The following LMCD1 variants were observed in gnomAD, a reference collection of about 807,000 sequenced individuals.
LMCD1 encodes the protein LIM and cysteine-rich domains protein 1.
A neutral mutation model predicts 42.7 loss-of-function variants in LMCD1; 32 were observed. The observed-to-expected ratio is 0.75, with a 90% CI of 0.57 to 1.01. LMCD1 has a LOEUF of 1.01. Among genes scored for constraint, LMCD1 ranks in the 50% least tolerant of loss-of-function variants. LMCD1 has a pLI of 0.00. For missense variants in LMCD1, 458 were observed against 483.1 expected, an observed-to-expected ratio of 0.95 and a Z score of 0.49; for synonymous variants, 178 against 184.9, an observed-to-expected ratio of 0.96 and a Z score of 0.30.
chr3:8,533,161 G>T (rs914675586), intron 2 of LMCD1, among the ~76,000 whole-genome samples: 3 of 152,116 alleles, frequency 2.0e-5, no homozygotes, highest in African/African-American at 7.2e-5. Context: ...ATGCCTCGGG[G>T]TTTGGTGGAT....
At chr3:8,566,507 G>A (rs1333795038) in intron 5 of LMCD1, among the ~76,000 whole-genome samples, 2 of 152,170 alleles carry the variant, frequency 1.3e-5, no homozygotes, top group African/African-American at 4.8e-5. Context: ...ATATTAAGAA[G>A]GAAAAGGACT....
intron 1 of LMCD1, among the ~76,000 whole-genome samples, chr3:8,506,471 G>A (rs1444325248): frequency 2.0e-5 from 3 of 152,164 alleles, no homozygotes; most frequent in Admixed American, 6.5e-5. Context: ...CTTTCCTTCC[G>A]CCCTTACGCA....
At chr3:8,566,777 C>A (rs761827483) in intron 5 of LMCD1, among the ~76,000 whole-genome samples, 9 of 152,166 alleles carry the variant, frequency 5.9e-5, no homozygotes, top group African/African-American at 1.9e-4. Context: ...ACATTCTAAG[C>A]CTTTCATATG....
At position 8,548,548 on chromosome 3, in the gene LMCD1, T is replaced by TTCC. The variant is rs763445369; in HGVS notation, c.388-7_388-5dup. The TTCC allele has an allele frequency of 9.7e-6, 15 of 1,553,984 alleles. No individual in the cohort carries two copies. The East Asian group carries it at 1.8e-4, about 19-fold the overall frequency. On this transcript the variant is annotated intron_variant, in intron 3 of 5. Coordinates refer to ENST00000157600, the MANE Select transcript of LMCD1 (RefSeq NM_014583.4). ...AGCCCCATCCACATCATGTTGTCTC[T>TTCC]TCCTCCTCCTCCTCCCTAGGGACTG...
intron 4 of LMCD1, 103 bp from the exon 5 acceptor site, chr3:8,565,329 C>T: frequency 2.0e-6 from 2 of 1,009,122 alleles, no homozygotes; most frequent in Non-Finnish European, 3.1e-6. Flanking sequence ...GTGACTTGCC[C>T]AAGGTCACCC....
chr3:8,501,833 C>T lies in LMCD1; in HGVS notation c.-106C>T, dbSNP rs1334462676. On this transcript the variant is annotated 5_prime_UTR_variant, in exon 1 of 6. Coordinates refer to ENST00000157600, the MANE Select transcript of LMCD1 (RefSeq NM_014583.4). ...GCTGCGCCTGGCTGCGCACAGAGCT[C>T]CCTCCCAGGCCCGCGAACTTGGCCA... The T allele has an allele frequency of 1.1e-6, 1 of 950,414 alleles. No homozygotes were observed. Among genetic ancestry groups the T allele is most frequent in the Non-Finnish European group, 1.6e-6 (1 of 630,142 alleles). 58.9% of individuals were successfully genotyped at this position (950,414 alleles called of 1,614,324 possible). A position where few individuals can be genotyped will look rare whatever the true frequency, so the allele number is the denominator to read the frequency against.
chr3:8,540,304 A>G (rs1035979063), intron 3 of LMCD1, among the ~76,000 whole-genome samples: 21 of 152,212 alleles, frequency 1.4e-4, no homozygotes, highest in African/African-American at 4.8e-4. Flanking sequence ...TCAAATGCTG[A>G]TAACAATAAG....
chr3:8,502,606 A>G (rs190995412), intron 1 of LMCD1, among the ~76,000 whole-genome samples: 4,392 of 131,710 alleles, frequency 0.033, 195 homozygotes, highest in African/African-American at 0.1. Context: ...ACACACACAC[A>G]CGCACGCAGT....
chr3:8,520,429 C>A, intron 1 of LMCD1, among the ~76,000 whole-genome samples: 1 of 152,132 alleles, frequency 6.6e-6, no homozygotes, highest in East Asian at 1.9e-4. Flanking sequence ...TTTTAATTTC[C>A]AAGTGTAACC....
rs1694785433 is a variant in LMCD1 at position 8,548,770 on chromosome 3, G to A, written c.590G>A (p.Gly197Glu). 6.2e-7 allele frequency: 1 copy of A among 1,612,820 alleles called. No individual in the cohort carries two copies. The highest frequency in any genetic ancestry group is 8.5e-7 in the Non-Finnish European group (1 of 1,178,886). The change falls in exon 4 of 6, where the codon GGA becomes GAA. Residue 197 changes from glycine to glutamate, a missense_variant. Coordinates refer to ENST00000157600, the MANE Select transcript of LMCD1 (RefSeq NM_014583.4). The part of the protein sequence containing the change: ...KQYKSEALGV[G>E]EVALPGQGGL... ...TATAAGAGCGAGGCCCTCGGCGTGG[G>A]AGAAGTGGCCCTCCCGGGGCAGGGT...
At chr3:8,561,777 T>C (rs1465210448) in intron 4 of LMCD1, among the ~76,000 whole-genome samples, 1 of 152,172 alleles carries the variant, frequency 6.6e-6, no homozygotes, top group African/African-American at 2.4e-5. Flanking sequence ...CTCGGGCTTA[T>C]GTAAGGGGTA....
intron 1 of LMCD1, among the ~76,000 whole-genome samples, chr3:8,502,397 A>AAT (rs371688785): frequency 3.2e-5 from 1 of 30,846 alleles, no homozygotes; most frequent in Non-Finnish European, 6.4e-5. Context: ...TTATATATAA[A>AAT]ATATATATAA....
intron 3 of LMCD1, among the ~76,000 whole-genome samples, chr3:8,540,462 A>G (rs915392094): frequency 6.6e-6 from 1 of 152,180 alleles, no homozygotes; most frequent in Non-Finnish European, 1.5e-5. Context: ...AGGCTCAGAG[A>G]GATGATGCAA....
chr3:8,548,114 C>T (rs1694772269), intron 3 of LMCD1, among the ~76,000 whole-genome samples: 1 of 152,124 alleles, frequency 6.6e-6, no homozygotes, highest in Admixed American at 6.5e-5. Flanking sequence ...TCTTATGGGA[C>T]CACTATGGTA....
intron 1 of LMCD1, among the ~76,000 whole-genome samples, chr3:8,504,594 A>G (rs1693838134): frequency 6.6e-6 from 1 of 152,262 alleles, no homozygotes; most frequent in African/African-American, 2.4e-5. Flanking sequence ...AACCAACCCC[A>G]GACAGGCTGG....
chr3:8,531,731 C>A (rs1467686789), intron 1 of LMCD1, among the ~76,000 whole-genome samples: 1 of 152,190 alleles, frequency 6.6e-6, no homozygotes, highest in Non-Finnish European at 1.5e-5. Context: ...TCCACTAGGG[C>A]ACACCTGAGT....
At chr3:8,565,738 T>A in intron 5 of LMCD1, 91 bp downstream of exon 5, 1 of 1,216,370 alleles carries the variant, frequency 8.2e-7, no homozygotes, top group Non-Finnish European at 1.2e-6. Flanking sequence ...GCTTTGTGGA[T>A]GATGTGTTCT....
At chr3:8,548,940 A>G (rs772165166) in intron 4 of LMCD1, 37 bp downstream of exon 4, 15 of 1,439,034 alleles carry the variant, frequency 1.0e-5, no homozygotes, top group Admixed American at 7.9e-5. Context: ...GGCTGAAACC[A>G]TGCAGGCCCA....
At chr3:8,519,925 A>AGT (rs369271623) in intron 1 of LMCD1, among the ~76,000 whole-genome samples, 4,517 of 147,882 alleles carry the variant, frequency 0.031, 119 homozygotes, top group South Asian at 0.14. Context: ...TGTGAGAGAG[A>AGT]GTGTGTGTGT....
Sources: gnomAD v4.1 joint callset for allele counts (sites outside exome capture counted in the v4.1 genomes callset) on GRCh38, gnomAD v4.1.1 for gene constraint, MANE v1.5 for transcripts, NCBI Gene and HGNC (gene_info 2026-07-23, HGNC 2026-07-21) for gene names.